Variants in LAMB1 observed in about 807,000 individuals in gnomAD.
LAMB1 encodes the protein laminin subunit beta 1.
LAMB1 carries 121 observed loss-of-function variants against 222.3 expected under a neutral mutation model. That is an observed-to-expected ratio of 0.54 (90% CI 0.47 to 0.63). The LOEUF (loss-of-function observed/expected upper bound fraction) is 0.63. Ranked by LOEUF, LAMB1 falls within the 30% of genes least tolerant of loss-of-function variation. LAMB1 has a pLI of 0.00. For synonymous variants in LAMB1, 794 were observed against 807.2 expected (o/e 0.98, Z 0.28); for missense variants, 2,172 against 2,240.8 (o/e 0.97, Z 0.62).
At chr7:107,958,640 A>G (rs2033427764) in intron 20 of LAMB1, among the ~76,000 whole-genome samples, 1 of 152,238 alleles carries the variant, frequency 6.6e-6, no homozygotes, top group Non-Finnish European at 1.5e-5. Flanking sequence ...AGTGTAAGTC[A>G]GCAGGTAACT....
intron 7 of LAMB1, among the ~76,000 whole-genome samples, chr7:107,983,034 C>T (rs140385989): frequency 1.3e-3 from 191 of 152,260 alleles, no homozygotes; most frequent in African/African-American, 4.3e-3. Flanking sequence ...CCCTTGTGGA[C>T]GTTTTTCATA....
chr7:107,989,699 CCGTGAGA>C (rs1440636550), intron 5 of LAMB1, among the ~76,000 whole-genome samples: 1 of 152,178 alleles, frequency 6.6e-6, no homozygotes, highest in African/African-American at 2.4e-5. Context: ...GGCAAACTCC[CCGTGAGA>C]GCCTGGCTGG....
In LAMB1 at chr7:108,002,925, G is replaced by T; in HGVS notation, c.-40C>A. ...GCCACGGGGACGCGGCAGAGGAGTG[G>T]AGAAGACGCCCGCCGAGCCGCCTGC... On this transcript the variant is annotated 5_prime_UTR_variant, in exon 2 of 34. Transcript: ENST00000222399. 1 of 1,611,830 alleles carries T rather than the reference G, an allele frequency of 6.2e-7. No individual in the cohort carries two copies.
chr7:107,926,118 C>A, intron 32 of LAMB1, 65 bp downstream of exon 32: 2 of 1,268,482 alleles, frequency 1.6e-6, no homozygotes, highest in South Asian at 2.6e-5. Context: ...TACTCTAAGG[C>A]AGGCAAGGAG....
intron 14 of LAMB1, among the ~76,000 whole-genome samples, 193 bp downstream of exon 14, chr7:107,964,359 G>A (rs1472782937): frequency 1.3e-5 from 2 of 152,170 alleles, no homozygotes; most frequent in Admixed American, 6.5e-5. Flanking sequence ...ATGCTCCAAA[G>A]CCAATTTGTG....
chr7:107,997,331 G>C (rs981152443), intron 4 of LAMB1, among the ~76,000 whole-genome samples: 1 of 152,182 alleles, frequency 6.6e-6, no homozygotes, highest in African/African-American at 2.4e-5. Context: ...GCTGAGGCAG[G>C]AGAATCACTT....
At chr7:107,961,141 T>G in intron 17 of LAMB1, 65 bp downstream of exon 17, 1 of 1,601,830 alleles carries the variant, frequency 6.2e-7, no homozygotes, top group Non-Finnish European at 8.5e-7. Context: ...CAAAACACCC[T>G]GAGAGCAGCT....
intron 5 of LAMB1, among the ~76,000 whole-genome samples, chr7:107,986,588 TG>T (rs1455731063): frequency 1.3e-5 from 2 of 152,182 alleles, no homozygotes; most frequent in African/African-American, 4.8e-5. Context: ...CCCACCCTAC[TG>T]GATAAGTAAA....
In LAMB1 at chr7:107,935,406, A is replaced by G. The variant is rs751128451; in HGVS notation, c.4188+9T>C. The G allele has an allele frequency of 1.3e-6, 2 of 1,555,664 alleles. No homozygotes were observed. ...ACCATAGCAGTAAGGCCACATCCCC[A>G]AACCTTACCATTTCGGCAGCGGCTG... On this transcript the variant is annotated intron_variant, in intron 27 of 33. Transcript: ENST00000222399.
rs2032487894 is a variant in LAMB1, at chr7:107,923,853, A to G, written c.*98T>C. The G allele has an allele frequency of 8.8e-7, 1 of 1,132,444 alleles. No individual in the cohort carries two copies. Among genetic ancestry groups the G allele is most frequent in the South Asian group, 1.5e-5 (1 of 68,084 alleles). The allele number at this position is 1,132,444 out of a possible 1,614,324, so 70.1% of individuals were successfully genotyped here. On this transcript the variant is annotated 3_prime_UTR_variant, in exon 34 of 34. Coordinates refer to ENST00000222399, the MANE Select transcript of LAMB1 (RefSeq NM_002291.3). ...CTCCATACAAAATGTGATTAAAAAC[A>G]TTAAATAGGTGATGTTTTATTTTGA...
At chr7:107,938,212 T>C (rs2032892924) in intron 25 of LAMB1, among the ~76,000 whole-genome samples, 1 of 152,208 alleles carries the variant, frequency 6.6e-6, no homozygotes, top group African/African-American at 2.4e-5. Context: ...AGAAAAATGA[T>C]ATGTAAGGCT....
chr7:107,940,499 G>A (rs1474029126), intron 24 of LAMB1, 141 bp from the exon 25 acceptor site: 15 of 812,858 alleles, frequency 1.8e-5, no homozygotes, highest in Non-Finnish European at 2.7e-5. Flanking sequence ...CTCAGGTAGA[G>A]ACTGTAGCAG....
rs142551567 is a variant in LAMB1, at chr7:107,940,328, G to A, written c.3422C>T (p.Thr1141Met). Residue 1141 changes from threonine (T) to methionine (M), a missense_variant, in exon 25 of 34, where the codon ACG becomes ATG. Transcript: ENST00000222399. ...GCCCGTGGACTGGTCACACTGTGGC[G>A]TCTCAATGCCCCTGGGGTCACAGTC... ...ACDCDPRGIE[T>M]PQCDQSTGQC... The A allele has an allele frequency of 4.0e-5, 64 of 1,614,024 alleles. No individual in the cohort carries two copies. In the Admixed American group the frequency reaches 4.2e-4, roughly 11 times the overall value.
At chr7:107,966,411 A>C (rs1165992119) in intron 13 of LAMB1, among the ~76,000 whole-genome samples, 1 of 151,946 alleles carries the variant, frequency 6.6e-6, no homozygotes, top group African/African-American at 2.4e-5. Context: ...GGGTTTCACC[A>C]TATTGGCCAG....
intron 20 of LAMB1, among the ~76,000 whole-genome samples, chr7:107,956,742 G>A (rs2150425343): frequency 6.6e-6 from 1 of 152,304 alleles, no homozygotes; most frequent in African/African-American, 2.4e-5. Context: ...GGAGCTGAGG[G>A]GGTGACAGGG....
At position 107,952,076 on chromosome 7, in the gene LAMB1, G is replaced by A. The variant is rs141879608; in HGVS notation, c.3227C>T (p.Ala1076Val). 4.3e-5 allele frequency: 70 copies of A among 1,613,924 alleles called. No homozygotes were observed. Among genetic ancestry groups the A allele is most frequent in the Admixed American group, 8.3e-5 (5 of 60,000 alleles). ...DRCAPNTWQL[A>V]SGTGCDPCNC... Reference sequence around the variant, plus strand: ...GCATGGGTCACAGCCAGTGCCACTGGCCAGCTGCCAGGTATTGGGCGCACA... The same window carrying A: ...GCATGGGTCACAGCCAGTGCCACTGACCAGCTGCCAGGTATTGGGCGCACA... The change falls in exon 23 of 34, where the codon GCC (alanine) becomes GTC (valine). Residue 1076 changes from alanine (A) to valine (V), a missense_variant. By Grantham distance (64) the Ala-to-Val change is moderately conservative (BLOSUM62 0). Transcript: ENST00000222399.
In LAMB1 at chr7:107,955,606, G is replaced by T; in HGVS notation, c.2715C>A (p.Asp905Glu). Residue 905 changes from aspartate to glutamate, a missense_variant, in exon 21 of 34, where the codon GAC becomes GAA. Physicochemically the swap from Asp to Glu is conservative, Grantham distance 45. Transcript: ENST00000222399. ...AGTGATCTCCTGACCCAATGATGGG[G>T]TCGCCATAGTAACCAGCCAAGCACC... ...CERCLAGYYG[D>E]PIIGSGDHCR... 2 of 1,613,528 alleles carry T rather than the reference G, an allele frequency of 1.2e-6. No homozygotes were observed. Among genetic ancestry groups the T allele is most frequent in the Non-Finnish European group, 1.7e-6 (2 of 1,179,796 alleles).
intron 22 of LAMB1, among the ~76,000 whole-genome samples, 162 bp from the exon 23 acceptor site, chr7:107,952,385 CTGT>C (rs1156442163): frequency 6.6e-6 from 1 of 152,236 alleles, no homozygotes; most frequent in Non-Finnish European, 1.5e-5. Context: ...GCTAAAATTA[CTGT>C]TTAGAAGTTC....
At chr7:107,947,561 T>C (rs2033144731) in intron 24 of LAMB1, among the ~76,000 whole-genome samples, 1 of 152,242 alleles carries the variant, frequency 6.6e-6, no homozygotes, top group Non-Finnish European at 1.5e-5. Flanking sequence ...TGTCTGCCTC[T>C]GCATCTTGGC....
Sources: allele counts gnomAD v4.1 joint callset (sites outside exome capture counted in the v4.1 genomes callset), GRCh38; gene constraint gnomAD v4.1.1; transcripts MANE v1.5; gene names NCBI Gene and HGNC (gene_info 2026-07-23, HGNC 2026-07-21).